Variants in CYP19A1 observed in about 807,000 individuals in gnomAD.
The protein encoded by CYP19A1 is cytochrome P450 family 19 subfamily A member 1, also known as aromatase.
In CYP19A1, 32 loss-of-function variants were observed where a neutral mutation model predicts 44.4. The ratio of observed to expected loss-of-function variants is 0.72; its 90% confidence interval spans 0.54 to 0.97. The LOEUF is 0.97. CYP19A1 is among the 50% of genes least tolerant of loss of function. The probability of loss-of-function intolerance (pLI) is 0.00; values close to 1 mark genes in which losing one functional copy is unlikely to be tolerated. For synonymous variants in CYP19A1, 212 were observed against 215.6 expected (o/e 0.98, Z 0.14); for missense variants, 598 against 637.8 (o/e 0.94, Z 0.67).
chr15:51,241,952 T>C (rs923205224), intron 2 of CYP19A1, among the ~76,000 whole-genome samples: 24 of 152,016 alleles, frequency 1.6e-4, no homozygotes, highest in Non-Finnish European at 2.8e-4. Context: ...GGATATCTTA[T>C]GGAATTGGGA....
chr15:51,217,650 T>C (rs1012692000), intron 6 of CYP19A1, among the ~76,000 whole-genome samples: 1 of 152,172 alleles, frequency 6.6e-6, no homozygotes, highest in Non-Finnish European at 1.5e-5. Flanking sequence ...TTGAGATGGT[T>C]AGGAACATCT....
chr15:51,335,903 C>T (rs796153520), intron 1 of CYP19A1, among the ~76,000 whole-genome samples: 49 of 152,322 alleles, frequency 3.2e-4, no homozygotes, highest in African/African-American at 1.1e-3. Context: ...TTGCTCCTGA[C>T]GCTCCATGTG....
At chr15:51,299,281 C>T (rs1194274215) in intron 1 of CYP19A1, among the ~76,000 whole-genome samples, 2 of 152,242 alleles carry the variant, frequency 1.3e-5, no homozygotes, top group Admixed American at 6.5e-5. Context: ...GATTCATTCA[C>T]AGGAGCTGCT....
intron 1 of CYP19A1, among the ~76,000 whole-genome samples, chr15:51,251,249 G>A (rs150138591): frequency 3.9e-5 from 6 of 152,284 alleles, no homozygotes; most frequent in Non-Finnish European, 7.4e-5. Context: ...AAAGACGGAA[G>A]GTCCCCAAGT....
intron 3 of CYP19A1, among the ~76,000 whole-genome samples, chr15:51,233,481 A>G (rs1025422265): frequency 1.3e-5 from 2 of 152,244 alleles, no homozygotes; most frequent in Non-Finnish European, 2.9e-5. Context: ...TGCTATACAT[A>G]GTAAGTTTTC....
At chr15:51,241,858 T>C (rs7175531) in intron 2 of CYP19A1, among the ~76,000 whole-genome samples, 104,897 of 152,046 alleles carry the variant, frequency 0.69, 36,471 homozygotes, top group African/African-American at 0.79. Flanking sequence ...CATTTTGTGC[T>C]AGCCCCATGC....
chr15:51,282,905 G>A (rs1421009210), intron 1 of CYP19A1, among the ~76,000 whole-genome samples: 1 of 152,018 alleles, frequency 6.6e-6, no homozygotes, highest in Non-Finnish European at 1.5e-5. Flanking sequence ...TGAAGAGTGG[G>A]GGTGAAAGTT....
At chr15:51,306,743 C>A (rs965190250) in intron 1 of CYP19A1, among the ~76,000 whole-genome samples, 1 of 152,120 alleles carries the variant, frequency 6.6e-6, no homozygotes, top group Non-Finnish European at 1.5e-5. Flanking sequence ...CATAGAAAGA[C>A]AATTAACAAT....
intron 1 of CYP19A1, among the ~76,000 whole-genome samples, chr15:51,270,711 G>T (rs2035091696): frequency 6.6e-6 from 1 of 152,154 alleles, no homozygotes; most frequent in Non-Finnish European, 1.5e-5. Flanking sequence ...TCAACAGTTG[G>T]TTTCTTTCTG....
chr15:51,214,163 G>A (rs17601157), intron 8 of CYP19A1, among the ~76,000 whole-genome samples: 2,358 of 152,328 alleles, frequency 0.015, 24 homozygotes, highest in Non-Finnish European at 0.026. Flanking sequence ...TCAAGAGAGG[G>A]AAGTCCACAT....
intron 1 of CYP19A1, among the ~76,000 whole-genome samples, chr15:51,254,565 T>G (rs1024125425): frequency 2.0e-5 from 3 of 152,166 alleles, no homozygotes; most frequent in Non-Finnish European, 4.4e-5. Context: ...GGATCCATCC[T>G]TCATATTTCT....
chr15:51,329,123 T>G (rs188025943), intron 1 of CYP19A1, among the ~76,000 whole-genome samples: 9 of 152,274 alleles, frequency 5.9e-5, no homozygotes, highest in African/African-American at 1.2e-4. Flanking sequence ...TGGTTCTGCT[T>G]CTCTGAAAAA....
At chr15:51,310,638 C>G (rs1039857381) in intron 1 of CYP19A1, among the ~76,000 whole-genome samples, 2 of 152,176 alleles carry the variant, frequency 1.3e-5, no homozygotes, top group African/African-American at 4.8e-5. Context: ...CCTGTTATGT[C>G]AAAAGTATCA....
At chr15:51,246,900 C>A (rs1248275238) in intron 1 of CYP19A1, among the ~76,000 whole-genome samples, 3 of 152,202 alleles carry the variant, frequency 2.0e-5, no homozygotes, top group African/African-American at 7.2e-5. Context: ...CTCTTTCACA[C>A]CCCAGCTCCT....
rs28757145 is a variant in CYP19A1, at chr15:51,265,709, G to GA, written c.-38-22760dup. Among the ~76,000 whole-genome samples the GA allele has an allele frequency of 2.2e-3, 342 of 152,204 alleles. 2 individuals are homozygous for GA. The highest frequency in any genetic ancestry group is 8.0e-3 in the African/African-American group (334 of 41,524). Reference sequence around the variant, plus strand: ...AGTCCAGATTACAGGCCTCTTTTAAGAAAAAAATCAGATCTGGCTCTAGAG... The same window carrying GA: ...AGTCCAGATTACAGGCCTCTTTTAAGAAAAAAAATCAGATCTGGCTCTAGAG... On this transcript the variant is annotated intron_variant, in intron 1 of 9. Transcript: ENST00000396402.
intron 2 of CYP19A1, among the ~76,000 whole-genome samples, chr15:51,241,780 A>T (rs1306031413): frequency 6.6e-6 from 1 of 152,216 alleles, no homozygotes; most frequent in Non-Finnish European, 1.5e-5. Context: ...GTAATCTAAA[A>T]TATCAGGCTG....
At chr15:51,268,530 CT>C (rs1369893627) in intron 1 of CYP19A1, among the ~76,000 whole-genome samples, 35 of 125,814 alleles carry the variant, frequency 2.8e-4, no homozygotes, top group Middle Eastern at 7.8e-3. Context: ...CCCCCCCCCC[CT>C]TTTTTTTTGG....
At chr15:51,232,793 C>G (rs1358696797) in intron 3 of CYP19A1, among the ~76,000 whole-genome samples, 1 of 152,206 alleles carries the variant, frequency 6.6e-6, no homozygotes, top group African/African-American at 2.4e-5. Context: ...CTGTCTGTCC[C>G]CATCCCTTGT....
chr15:51,303,568 G>C (rs922770470), intron 1 of CYP19A1, among the ~76,000 whole-genome samples: 1 of 151,700 alleles, frequency 6.6e-6, no homozygotes, highest in African/African-American at 2.4e-5. Flanking sequence ...TTTTTTTTAG[G>C]CAGAGCTTCT....
Sources: allele counts gnomAD v4.1 joint callset (sites outside exome capture counted in the v4.1 genomes callset), GRCh38; gene constraint gnomAD v4.1.1; transcripts MANE v1.5; gene names NCBI Gene and HGNC (gene_info 2026-07-23, HGNC 2026-07-21).